The following BCL6 variants were observed in gnomAD, a reference collection of about 807,000 sequenced individuals.
The protein encoded by BCL6 is BCL6 transcription repressor.
A neutral mutation model predicts 59.5 loss-of-function variants in BCL6; 7 were observed. The observed-to-expected ratio is 0.12, with a 90% CI of 0.07 to 0.22. The LOEUF (loss-of-function observed/expected upper bound fraction) is 0.22. BCL6 is among the 10% of genes least tolerant of loss of function. The pLI, the probability that BCL6 is intolerant of heterozygous loss-of-function variation, is 1.00. For synonymous variants in BCL6, 339 were observed against 349.7 expected (o/e 0.97, Z 0.34); for missense variants, 685 against 939.4 (o/e 0.73, Z 3.54).
At chr3:187,744,604 T>C (rs191297559) in intron 1 of BCL6, among the ~76,000 whole-genome samples, 4 of 151,656 alleles carry the variant, frequency 2.6e-5, no homozygotes, top group African/African-American at 7.3e-5. Flanking sequence ...ACCCAAAGAG[T>C]TCGCTTGCAT....
intron 1 of BCL6, among the ~76,000 whole-genome samples, chr3:187,739,987 A>C (rs906264667): frequency 5.9e-5 from 9 of 152,144 alleles, no homozygotes; most frequent in Non-Finnish European, 1.3e-4. Context: ...GTCCGAACAG[A>C]GGCGCGTTTC....
Position 187,730,071 on chromosome 3 carries a change from A to G in BCL6, c.384-50T>C, listed in dbSNP as rs1026708662. The G allele has an allele frequency of 2.0e-6, 3 of 1,515,808 alleles. No homozygotes were observed. In the African/African-American group the frequency reaches 4.2e-5, roughly 21 times the overall value. The allele number at this position is 1,515,808 out of a possible 1,614,324, so 93.9% of individuals were successfully genotyped here. A position where few individuals can be genotyped will look rare whatever the true frequency, so the allele number is the denominator to read the frequency against. On this transcript the variant is annotated intron_variant, in intron 4 of 9. Coordinates refer to ENST00000406870, the MANE Select transcript of BCL6 (RefSeq NM_001706.5). The stretch of plus-strand genomic sequence containing the variant: ...ACACCGGCCCCAAATCAGAACTGTT[A>G]AATAGATGACCTTCCAGTGACACTT...
intron 2 of BCL6, among the ~76,000 whole-genome samples, chr3:187,734,086 G>A (rs1227072963): frequency 1.3e-5 from 2 of 149,154 alleles, no homozygotes; most frequent in Admixed American, 6.7e-5. Flanking sequence ...TGTCACCCAG[G>A]CTGAAGTGCA....
chr3:187,743,354 G>A lies in BCL6; in HGVS notation c.-50+2056C>T, dbSNP rs373364494. On this transcript the variant is annotated intron_variant, in intron 1 of 9. Coordinates refer to ENST00000406870, the MANE Select transcript of BCL6 (RefSeq NM_001706.5). ...GGGTGGCGGGGGCCGGCGGGGAGGG[G>A]GCGCGGAGTGGAGATTGGCTCTCTG... Among the ~76,000 whole-genome samples, 232 of 152,074 alleles carry A rather than the reference G, an allele frequency of 1.5e-3. 3 individuals carry two copies. In the South Asian group the frequency reaches 0.047, roughly 30 times the overall value.
chr3:187,745,171 T>C (rs182829198), intron 1 of BCL6, among the ~76,000 whole-genome samples: 1 of 152,140 alleles, frequency 6.6e-6, no homozygotes, highest in South Asian at 2.1e-4. Flanking sequence ...GGGAGAGACG[T>C]GGGACTAATC....
intron 1 of BCL6, among the ~76,000 whole-genome samples, chr3:187,744,974 A>G: frequency 2.0e-5 from 3 of 150,346 alleles, no homozygotes; most frequent in South Asian, 2.1e-4. Context: ...AGCCCGAATC[A>G]CCCCCCAAGC....
At chr3:187,734,959 T>G (rs549626377) in intron 1 of BCL6, 52 bp from the exon 2 acceptor site, 1 of 152,810 alleles carries the variant, frequency 6.5e-6, no homozygotes, top group South Asian at 2.1e-4. Context: ...AATGTAAGAT[T>G]GTCCACTATA....
intron 1 of BCL6, chr3:187,736,197 T>C (rs1022089994): frequency 2.0e-5 from 3 of 152,144 alleles, no homozygotes; most frequent in Admixed American, 6.5e-5. Context: ...GCTCCAAGGT[T>C]AGTGTGTGCA....
At chr3:187,724,902 C>T in intron 9 of BCL6, 39 bp downstream of exon 9, 2 of 1,612,768 alleles carry the variant, frequency 1.2e-6, no homozygotes, top group South Asian at 1.1e-5. Flanking sequence ...CCCTCCACAT[C>T]CCCGCAGGTC....
chr3:187,728,342 G>T lies in BCL6; in HGVS notation c.1540+18C>A, dbSNP rs182841404. 6.3e-3 allele frequency: 9,776 copies of T among 1,562,086 alleles called. 44 individuals carry two copies. Among genetic ancestry groups the T allele is most frequent in the Non-Finnish European group, 7.8e-3 (8,978 of 1,151,128 alleles). On this transcript the variant is annotated intron_variant, in intron 6 of 9. Coordinates refer to ENST00000406870, the MANE Select transcript of BCL6 (RefSeq NM_001706.5). ...CCTTCCTTCTCCCTGACAAGAGGAG[G>T]GAGGGAAAAGGACTCACCACAGCTA...
intron 1 of BCL6, among the ~76,000 whole-genome samples, chr3:187,744,595 C>T (rs1024873211): frequency 2.6e-5 from 4 of 152,164 alleles, no homozygotes; most frequent in East Asian, 3.9e-4. Context: ...AAAACAAAAA[C>T]CCAAAGAGTT....
At chr3:187,722,624 C>T in intron 9 of BCL6, 23 bp from the exon 10 acceptor site, 1 of 1,606,754 alleles carries the variant, frequency 6.2e-7, no homozygotes, top group Non-Finnish European at 8.5e-7. Flanking sequence ...CAGAGGCAAA[C>T]TGTTAGCTGT....
At chr3:187,744,000 A>G (rs1579830980) in intron 1 of BCL6, among the ~76,000 whole-genome samples, 2 of 152,226 alleles carry the variant, frequency 1.3e-5, no homozygotes, top group South Asian at 2.1e-4. Flanking sequence ...TCTTGCACAT[A>G]AGGAACGCGG....
At chr3:187,726,955 C>G in intron 6 of BCL6, 57 bp from the exon 7 acceptor site, 1 of 1,579,274 alleles carries the variant, frequency 6.3e-7, no homozygotes, top group Non-Finnish European at 8.7e-7. Context: ...AGGTAGGGCT[C>G]TAAGGCCGCT....
chr3:187,721,495 G>A lies in BCL6; in HGVS notation c.*963C>T, dbSNP rs1270114125. 2.6e-5 allele frequency: 6 copies of A among 232,766 alleles called. No individual in the cohort carries two copies. Among genetic ancestry groups the A allele is most frequent in the South Asian group, 1.8e-4 (1 of 5,526 alleles). 14.4% of individuals were successfully genotyped at this position (232,766 alleles called of 1,614,324 possible). A position where few individuals can be genotyped will look rare whatever the true frequency, so the allele number is the denominator to read the frequency against. ...GGAGTAGTTATAACACAAGCATGAC[G>A]CAGAATGGGATGAGACAAACATTCC... On this transcript the variant is annotated 3_prime_UTR_variant, in exon 10 of 10. Coordinates refer to ENST00000406870, the MANE Select transcript of BCL6 (RefSeq NM_001706.5). The surrounding 1 kb of genome is among the most constrained non-coding windows in gnomAD (Gnocchi z 4.2).
chr3:187,733,385 T>C, intron 3 of BCL6, 148 bp downstream of exon 3: 1 of 876,872 alleles, frequency 1.1e-6, no homozygotes, highest in South Asian at 1.7e-5. Flanking sequence ...CTTGGGAGCC[T>C]ACTGTGCCAC....
intron 1 of BCL6, among the ~76,000 whole-genome samples, 184 bp downstream of exon 1, chr3:187,745,226 A>G (rs574643094): frequency 4.6e-5 from 7 of 152,288 alleles, no homozygotes; most frequent in South Asian, 2.1e-4. Context: ...AAATAAATAT[A>G]TACATTTATA....
Position 187,724,954 on chromosome 3 carries a change from T to C in BCL6, c.1964A>G (p.Glu655Gly). 6.2e-7 allele frequency: 1 copy of C among 1,614,212 alleles called. No homozygotes were observed. Among genetic ancestry groups the C allele is most frequent in the Non-Finnish European group, 8.5e-7 (1 of 1,180,028 alleles). Residue 655 changes from glutamate to glycine, a missense_variant, in exon 9 of 10, where the codon GAG becomes GGG. Around this residue, in one of 7 missense-constraint regions of BCL6, gnomAD observed 38 missense variants for 97.9 expected, o/e 0.39. Coordinates refer to ENST00000406870, the MANE Select transcript of BCL6 (RefSeq NM_001706.5). Reference protein sequence around the residue: ...LKSHLRIHTGEKPYHCEKCNL... With the variant: ...LKSHLRIHTGGKPYHCEKCNL... ...AGGCTTACGTACATGGTAAGGTTTC[T>C]CTCCTGTGTGGATTCGCAGGTGGCT...
At chr3:187,743,989 G>C (rs1711739860) in intron 1 of BCL6, among the ~76,000 whole-genome samples, 2 of 152,246 alleles carry the variant, frequency 1.3e-5, no homozygotes, top group South Asian at 2.1e-4. Context: ...CTCCTCCTGA[G>C]TCTTGCACAT....
Sources: gnomAD v4.1 joint callset for allele counts (sites outside exome capture counted in the v4.1 genomes callset) on GRCh38, gnomAD v4.1.1 for gene constraint, gnomAD v4.1.1 regional missense constraint, Gnocchi (gnomAD v3.1) non-coding constraint, MANE v1.5 for transcripts, NCBI Gene and HGNC (gene_info 2026-07-23, HGNC 2026-07-21) for gene names.